The following SLCO3A1 variants were observed in gnomAD, a reference collection of about 807,000 sequenced individuals.
SLCO3A1 encodes the protein solute carrier organic anion transporter family member 3A1, also known as PGE1 transporter.
In SLCO3A1, 27 loss-of-function variants were observed where a neutral mutation model predicts 63.1. That is an observed-to-expected ratio of 0.43 (90% CI 0.32 to 0.59). The LOEUF is 0.59. Ranked by LOEUF, SLCO3A1 falls within the 20% of genes least tolerant of loss-of-function variation. The pLI is 0.09. For synonymous variants in SLCO3A1, 473 were observed against 409.9 expected (o/e 1.15, Z -1.86); for missense variants, 773 against 945.8 (o/e 0.82, Z 2.40).
chr15:91,970,475 C>A (rs564398555), intron 2 of SLCO3A1, among the ~76,000 whole-genome samples: 1 of 152,170 alleles, frequency 6.6e-6, no homozygotes, highest in Non-Finnish European at 1.5e-5. Flanking sequence ...GTAGTCAACA[C>A]ACGAGAGTCA....
intron 2 of SLCO3A1, among the ~76,000 whole-genome samples, chr15:91,940,218 T>C (rs1899570096): frequency 6.6e-6 from 1 of 152,184 alleles, no homozygotes; most frequent in South Asian, 2.1e-4. Flanking sequence ...TGGGCCTAGG[T>C]TCAGGTCAGT....
chr15:91,943,522 G>C (rs556306231), intron 2 of SLCO3A1, among the ~76,000 whole-genome samples: 9 of 152,300 alleles, frequency 5.9e-5, no homozygotes, highest in African/African-American at 2.2e-4. Context: ...TATGGCTGCT[G>C]TGAATTAATG....
chr15:92,170,540 T>G (rs1195146749), downstream of SLCO3A1, among the ~76,000 whole-genome samples: 3 of 152,218 alleles, frequency 2.0e-5, no homozygotes, highest in Admixed American at 1.3e-4. Flanking sequence ...ATCTGACTCC[T>G]AAACCAGTGC....
chr15:92,125,096 C>T (rs1015253726), intron 5 of SLCO3A1, among the ~76,000 whole-genome samples: 8 of 152,088 alleles, frequency 5.3e-5, no homozygotes, highest in Non-Finnish European at 1.0e-4. Flanking sequence ...CAGAGCTATA[C>T]CCCCTTATTA....
At chr15:92,014,236 G>A (rs2046400378) in intron 2 of SLCO3A1, among the ~76,000 whole-genome samples, 1 of 152,124 alleles carries the variant, frequency 6.6e-6, no homozygotes, top group South Asian at 2.1e-4. Context: ...CTAGATCACA[G>A]TTCACTGGGC....
chr15:91,923,270 G>A (rs570941445), intron 2 of SLCO3A1, among the ~76,000 whole-genome samples: 3 of 152,336 alleles, frequency 2.0e-5, no homozygotes, highest in African/African-American at 7.2e-5. Flanking sequence ...TAGAAATTAA[G>A]GCACAGATGG....
rs886780093 is a variant in SLCO3A1, at chr15:91,916,190, C to G, written c.378C>G (p.Pro126=). The change falls in exon 2 of 10, where the codon CCC becomes CCG. Residue 126 remains proline (P), a synonymous_variant. Transcript: ENST00000318445. The surrounding 1 kb of genome is among the most constrained non-coding windows in gnomAD (Gnocchi z 6.2). ...MALGALLSAL[P]EFLTHQYKYE... is the part of the protein sequence containing the mutation. ...TGGGCGCGCTGCTGTCGGCGCTGCCCGAGTTCCTGACCCACCAGTACAAGT... is the reference window on the plus strand; with the variant it reads ...TGGGCGCGCTGCTGTCGGCGCTGCCGGAGTTCCTGACCCACCAGTACAAGT... 1.1e-5 allele frequency: 17 copies of G among 1,595,450 alleles called. No individual in the cohort carries two copies. Among genetic ancestry groups the G allele is most frequent in the East Asian group, 4.5e-5 (2 of 43,966 alleles).
chr15:92,102,960 T>C (rs545625705), intron 3 of SLCO3A1, among the ~76,000 whole-genome samples: 2 of 152,186 alleles, frequency 1.3e-5, no homozygotes, highest in Non-Finnish European at 2.9e-5. Flanking sequence ...AGAAAACAGA[T>C]AATAAAAGTC....
chr15:92,055,386 T>C (rs1410281157), intron 2 of SLCO3A1, among the ~76,000 whole-genome samples: 1 of 152,246 alleles, frequency 6.6e-6, no homozygotes. Context: ...TTTCATCCCG[T>C]TCAGTGTGTT....
intron 6 of SLCO3A1, among the ~76,000 whole-genome samples, chr15:92,127,871 A>G (rs894297870): frequency 7.2e-5 from 11 of 152,310 alleles, no homozygotes; most frequent in Admixed American, 6.5e-4. Context: ...CAAAGAGACA[A>G]GAACCAGCCC....
At position 91,942,296 on chromosome 15, in the gene SLCO3A1, A is replaced by C. The variant is rs919429393; in HGVS notation, c.646+25838A>C. Among the ~76,000 whole-genome samples the C allele has an allele frequency of 6.6e-6, 1 of 152,192 alleles. No homozygotes were observed. The highest frequency in any genetic ancestry group is 2.4e-5 in the African/African-American group (1 of 41,464). ...GTCTGATCTATAGCAGGCATTTCAG[A>C]GCCTCCAGGACTTGATTAGATATTG... On this transcript the variant is annotated intron_variant, in intron 2 of 9. Transcript: ENST00000318445. The surrounding 1 kb of genome is among the most constrained non-coding windows in gnomAD (Gnocchi z 4.1).
chr15:92,093,954 A>G (rs1213270837), intron 2 of SLCO3A1, among the ~76,000 whole-genome samples: 2 of 152,136 alleles, frequency 1.3e-5, no homozygotes, highest in Non-Finnish European at 2.9e-5. Flanking sequence ...GGAATTACCC[A>G]TGCACTGACT....
intron 2 of SLCO3A1, among the ~76,000 whole-genome samples, chr15:91,973,348 A>G (rs982550867): frequency 3.9e-5 from 6 of 152,246 alleles, no homozygotes; most frequent in Non-Finnish European, 8.8e-5. Flanking sequence ...GATGAAGAGC[A>G]GGCACAGCGA....
At chr15:91,876,625 C>T (rs1897405097) in intron 1 of SLCO3A1, among the ~76,000 whole-genome samples, 1 of 152,148 alleles carries the variant, frequency 6.6e-6, no homozygotes. Flanking sequence ...TCTGAGCAGG[C>T]CCCTCCTGCA....
At chr15:92,036,062 A>G (rs2046721905) in intron 2 of SLCO3A1, among the ~76,000 whole-genome samples, 1 of 152,210 alleles carries the variant, frequency 6.6e-6, no homozygotes, top group Non-Finnish European at 1.5e-5. Context: ...GACCAGCACC[A>G]CCAAGCCACT....
intron 2 of SLCO3A1, among the ~76,000 whole-genome samples, chr15:91,956,021 G>A (rs188980177): frequency 6.6e-6 from 1 of 152,104 alleles, no homozygotes; most frequent in Admixed American, 6.5e-5. Context: ...CAAGCCCAGG[G>A]CTGGGGCTGT....
chr15:92,010,946 T>C (rs1337080119), intron 2 of SLCO3A1, among the ~76,000 whole-genome samples: 2 of 152,382 alleles, frequency 1.3e-5, no homozygotes, highest in Non-Finnish European at 2.9e-5. Flanking sequence ...TACATGGATC[T>C]TCACAGTAGC....
At chr15:92,004,654 A>C (rs2046293681) in intron 2 of SLCO3A1, among the ~76,000 whole-genome samples, 1 of 152,234 alleles carries the variant, frequency 6.6e-6, no homozygotes, top group Admixed American at 6.5e-5. Context: ...GTGATTTGGA[A>C]GGACACTTTG....
At position 91,998,900 on chromosome 15, in the gene SLCO3A1, C is replaced by T. The variant is rs181106855; in HGVS notation, c.646+82442C>T. On this transcript the variant is annotated intron_variant, in intron 2 of 9. Coordinates refer to ENST00000318445, the MANE Select transcript of SLCO3A1 (RefSeq NM_013272.4). ...ACATGGACTCAGCCTAGGTGCCCATCAGCAGTGGATTAGGTAAAGAAAATG... is the reference window on the plus strand; with the variant it reads ...ACATGGACTCAGCCTAGGTGCCCATTAGCAGTGGATTAGGTAAAGAAAATG... Among the ~76,000 whole-genome samples, 9 of 152,312 alleles carry T rather than the reference C, an allele frequency of 5.9e-5. No homozygotes were observed. The East Asian group carries it at 1.5e-3, about 26-fold the overall frequency.
Sources: allele counts gnomAD v4.1 joint callset (sites outside exome capture counted in the v4.1 genomes callset), GRCh38; gene constraint gnomAD v4.1.1; non-coding constraint Gnocchi (gnomAD v3.1); transcripts MANE v1.5; gene names NCBI Gene and HGNC (gene_info 2026-07-23, HGNC 2026-07-21).